Variants in CHST9 observed in about 807,000 individuals in gnomAD.
CHST9 encodes the protein carbohydrate sulfotransferase 9.
In CHST9, 41 loss-of-function variants were observed where a neutral mutation model predicts 44.4. The ratio of observed to expected loss-of-function variants is 0.92; its 90% CI spans 0.72 to 1.20. CHST9 has a LOEUF of 1.20. Ranked by LOEUF, CHST9 falls within the 50% of genes most tolerant of loss-of-function variation. The pLI, the probability that CHST9 is intolerant of heterozygous loss-of-function variation, is 0.00. For synonymous variants in CHST9, 171 were observed against 178.4 expected, an observed-to-expected ratio of 0.96 and a Z score of 0.33; for missense variants, 504 against 516.5, an observed-to-expected ratio of 0.98 and a Z score of 0.23.
chr18:27,052,537 T>G (rs1421507791), intron 2 of CHST9, among the ~76,000 whole-genome samples: 1 of 152,190 alleles, frequency 6.6e-6, no homozygotes, highest in Non-Finnish European at 1.5e-5. Context: ...CAATGTTCAC[T>G]TTCCCCCAAA....
intron 4 of CHST9, among the ~76,000 whole-genome samples, chr18:27,002,010 AT>A: frequency 6.6e-6 from 1 of 152,158 alleles, no homozygotes; most frequent in African/African-American, 2.4e-5. Context: ...CAGAAAGACA[AT>A]TTTTTAAAGA....
intron 2 of CHST9, among the ~76,000 whole-genome samples, chr18:27,090,390 C>G (rs980902041): frequency 5.3e-5 from 8 of 152,040 alleles, no homozygotes; most frequent in Non-Finnish European, 1.2e-4. Flanking sequence ...CTCCTATTCT[C>G]TAGGTTGCCT....
At chr18:26,938,058 A>G (rs768185600) in intron 5 of CHST9, among the ~76,000 whole-genome samples, 1 of 150,856 alleles carries the variant, frequency 6.6e-6, no homozygotes, top group Non-Finnish European at 1.5e-5. Context: ...GATTGTGAAT[A>G]GTTCTCACAG....
Position 27,084,458 on chromosome 18 carries a change from GT to G in CHST9, c.122-35956del, listed in dbSNP as rs34987256. On this transcript the variant is annotated intron_variant, in intron 2 of 5. Transcript: ENST00000618847. ...TAGTGGTGTTCATAACACTCGCTGG[GT>G]TTTTTTTTTTTTATTTCTGTGGGGT... Among the ~76,000 whole-genome samples, 1,425 of 143,550 alleles carry G rather than the reference GT, an allele frequency of 9.9e-3. 81 individuals are homozygous for G. The highest frequency in any genetic ancestry group is 0.085 in the Admixed American group (1,234 of 14,516). 94.2% of individuals were successfully genotyped at this position (143,550 alleles called of 152,430 possible). A position where few individuals can be genotyped will look rare whatever the true frequency, so the allele number is the denominator to read the frequency against.
intron 4 of CHST9, among the ~76,000 whole-genome samples, chr18:26,993,954 G>A (rs913118695): frequency 1.1e-4 from 17 of 152,204 alleles, no homozygotes; most frequent in Non-Finnish European, 1.2e-4. Context: ...CTCTCTCCTC[G>A]GCTGGGGGAT....
intron 1 of CHST9, among the ~76,000 whole-genome samples, chr18:27,152,946 G>C (rs536495160): frequency 2.6e-4 from 39 of 152,090 alleles, no homozygotes; most frequent in Non-Finnish European, 4.3e-4. Flanking sequence ...TTTAGTTGTC[G>C]TAATTAATCA....
At chr18:27,109,519 C>A (rs949706433) in intron 2 of CHST9, among the ~76,000 whole-genome samples, 1 of 152,182 alleles carries the variant, frequency 6.6e-6, no homozygotes. Context: ...TTGAAGACTA[C>A]GCAAAGCGTT....
intron 2 of CHST9, among the ~76,000 whole-genome samples, chr18:27,053,581 T>C (rs1361839612): frequency 2.6e-5 from 4 of 152,212 alleles, no homozygotes; most frequent in African/African-American, 9.6e-5. Context: ...CTATTTTCTA[T>C]GGGCTCCTAA....
In CHST9 at chr18:26,907,957, A is replaced by T. The variant is rs1250216036; in HGVS notation, c.*8302T>A. The T allele has an allele frequency of 2.6e-5, 4 of 156,566 alleles. No individual in the cohort carries two copies. Among genetic ancestry groups the T allele is most frequent in the African/African-American group, 9.6e-5 (4 of 41,600 alleles). The allele number at this position is 156,566 out of a possible 1,614,324, so 9.7% of individuals were successfully genotyped here. On this transcript the variant is annotated 3_prime_UTR_variant, in exon 6 of 6. Transcript: ENST00000618847. ...TTTATATGAGGTATTTTAAGTTATC[A>T]AATTCATAGAGACAAAAGGTAGAAT...
chr18:27,137,125 A>G (rs1184325393), intron 2 of CHST9, among the ~76,000 whole-genome samples: 2 of 152,086 alleles, frequency 1.3e-5, no homozygotes, highest in Non-Finnish European at 2.9e-5. Flanking sequence ...TCAACAAATA[A>G]TTAAGGAGTC....
At chr18:27,053,816 C>T (rs921170505) in intron 2 of CHST9, among the ~76,000 whole-genome samples, 5 of 152,272 alleles carry the variant, frequency 3.3e-5, no homozygotes, top group East Asian at 1.9e-4. Flanking sequence ...TCCTGTCACA[C>T]GGCTCCTGCC....
intron 2 of CHST9, among the ~76,000 whole-genome samples, chr18:27,051,750 A>G (rs2057569825): frequency 6.6e-6 from 1 of 152,228 alleles, no homozygotes; most frequent in Non-Finnish European, 1.5e-5. Flanking sequence ...TACAGAAACC[A>G]TGTGAGCTGA....
chr18:27,049,326 G>A (rs147458168), intron 2 of CHST9, among the ~76,000 whole-genome samples: 2,149 of 152,198 alleles, frequency 0.014, 34 homozygotes, highest in South Asian at 0.034. Context: ...GTGACTTTGG[G>A]TATAGAGATG....
chr18:27,177,436 C>T (rs1319041903), intron 1 of CHST9, among the ~76,000 whole-genome samples: 1 of 150,934 alleles, frequency 6.6e-6, no homozygotes. Flanking sequence ...ACTTTAATTC[C>T]ATCTGTGAAA....
intron 1 of CHST9, among the ~76,000 whole-genome samples, chr18:27,164,720 A>G (rs918358027): frequency 2.6e-5 from 4 of 152,242 alleles, no homozygotes; most frequent in African/African-American, 7.2e-5. Context: ...ATGTTGTCAG[A>G]GAAAAACAAA....
intron 1 of CHST9, among the ~76,000 whole-genome samples, chr18:27,170,863 C>A (rs1345108399): frequency 6.6e-6 from 1 of 152,098 alleles, no homozygotes; most frequent in Non-Finnish European, 1.5e-5. Context: ...TAATATTAGT[C>A]CCAAAAGGCT....
At chr18:27,044,878 G>A (rs1364134150) in intron 3 of CHST9, among the ~76,000 whole-genome samples, 1 of 151,882 alleles carries the variant, frequency 6.6e-6, no homozygotes, top group Non-Finnish European at 1.5e-5. Flanking sequence ...ATGACTGCAT[G>A]TTCAACGTGT....
At chr18:26,928,523 C>T (rs1025379047) in intron 5 of CHST9, 3 of 150,146 alleles carry the variant, frequency 2.0e-5, no homozygotes. Context: ...TTGTGGCTCC[C>T]TAGAATCAGA....
At chr18:27,143,729 C>T (rs1002734432) in intron 1 of CHST9, among the ~76,000 whole-genome samples, 2 of 151,956 alleles carry the variant, frequency 1.3e-5, no homozygotes, top group Non-Finnish European at 2.9e-5. Flanking sequence ...CATTAAGAAT[C>T]CCTGTTCCCC....
Sources: allele counts gnomAD v4.1 joint callset (sites outside exome capture counted in the v4.1 genomes callset), GRCh38; gene constraint gnomAD v4.1.1; transcripts MANE v1.5; gene names NCBI Gene and HGNC (gene_info 2026-07-23, HGNC 2026-07-21).